FAM163A: variants seen among roughly 807,000 people sequenced by gnomAD.
FAM163A encodes the protein family with sequence similarity 163 member A.
Under a neutral mutation model 12.0 loss-of-function variants are expected in FAM163A, and 7 were observed. The ratio of observed to expected loss-of-function variants is 0.58; its 90% CI spans 0.33 to 1.10. The LOEUF is 1.10. Among genes scored for constraint, FAM163A ranks in the 50% least tolerant of loss-of-function variants. FAM163A has a pLI of 0.03. For missense variants in FAM163A, 202 were observed against 218.6 expected, an observed-to-expected ratio of 0.92 and a Z score of 0.48; for synonymous variants, 101 against 91.0, an observed-to-expected ratio of 1.11 and a Z score of -0.62.
intron 1 of FAM163A, among the ~76,000 whole-genome samples, chr1:179,799,341 A>T (rs1411589299): frequency 1.3e-5 from 2 of 152,244 alleles, no homozygotes; most frequent in Non-Finnish European, 2.9e-5. Flanking sequence ...ACACTGGGCT[A>T]TGCCATGGTG....
intron 1 of FAM163A, among the ~76,000 whole-genome samples, chr1:179,753,375 G>C (rs1685554814): frequency 6.6e-6 from 1 of 152,182 alleles, no homozygotes; most frequent in South Asian, 2.1e-4. Context: ...GTACAACATT[G>C]TGTTTATGGA....
At position 179,813,092 on chromosome 1, in the gene FAM163A, G is replaced by C; in HGVS notation, c.-6G>C. 6.4e-7 allele frequency: 1 copy of C among 1,551,642 alleles called. No homozygotes were observed. The stretch of plus-strand genomic sequence containing the variant: ...TCTTTGCAGAGTTTGATGGGGCGCC[G>C]GGCGGATGACAGCGGGAACGGTTGT... On this transcript the variant is annotated 5_prime_UTR_variant, in exon 4 of 5. Coordinates refer to ENST00000341785, the MANE Select transcript of FAM163A (RefSeq NM_173509.3).
At chr1:179,783,019 A>G (rs1043656027) in intron 1 of FAM163A, among the ~76,000 whole-genome samples, 22 of 152,050 alleles carry the variant, frequency 1.4e-4, no homozygotes, top group African/African-American at 5.3e-4. Flanking sequence ...AATCCCAGCT[A>G]CTTGGGAGGC....
chr1:179,770,702 C>T (rs1208398305), intron 1 of FAM163A, among the ~76,000 whole-genome samples: 1 of 152,070 alleles, frequency 6.6e-6, no homozygotes, highest in South Asian at 2.1e-4. Context: ...GGATGACTTG[C>T]GCACCCCACA....
At chr1:179,746,902 G>A (rs1269057752) in intron 1 of FAM163A, among the ~76,000 whole-genome samples, 1 of 152,148 alleles carries the variant, frequency 6.6e-6, no homozygotes, top group Non-Finnish European at 1.5e-5. Context: ...CTGGGGAGAG[G>A]TGTCTTTGGA....
chr1:179,771,699 G>A (rs537360047), intron 1 of FAM163A, among the ~76,000 whole-genome samples: 7 of 151,924 alleles, frequency 4.6e-5, no homozygotes, highest in Admixed American at 1.3e-4. Flanking sequence ...ACGGTTCACC[G>A]CCTCCACATC....
chr1:179,807,864 G>C lies in FAM163A; in HGVS notation c.-69G>C, dbSNP rs1033244183. On this transcript the variant is annotated 5_prime_UTR_variant, in exon 2 of 5. Transcript: ENST00000341785. ...GCTCAGGTGTAGCCCGCGTGACTGA[G>C]TCACCGCTGCTCCAGCTGTTTCACG... The C allele has an allele frequency of 2.6e-5, 4 of 152,302 alleles. No individual in the cohort carries two copies. Among genetic ancestry groups the C allele is most frequent in the African/African-American group, 7.2e-5 (3 of 41,464 alleles). The allele number at this position is 152,302 out of a possible 1,614,324, so 9.4% of individuals were successfully genotyped here. A position where few individuals can be genotyped will look rare whatever the true frequency, so the allele number is the denominator to read the frequency against.
chr1:179,766,615 C>T (rs1351916599), intron 1 of FAM163A, among the ~76,000 whole-genome samples: 3 of 152,186 alleles, frequency 2.0e-5, no homozygotes, highest in Admixed American at 1.3e-4. Flanking sequence ...CTGCCTTTTT[C>T]GAGTTGATTT....
At chr1:179,782,390 C>T (rs1047631675) in intron 1 of FAM163A, among the ~76,000 whole-genome samples, 3 of 151,894 alleles carry the variant, frequency 2.0e-5, no homozygotes, top group African/African-American at 4.8e-5. Flanking sequence ...CCAGAAGGGC[C>T]GGTCGGCAGG....
chr1:179,742,680 G>A (rs1330237069), upstream of FAM163A: 1 of 152,230 alleles, frequency 6.6e-6, no homozygotes, highest in Non-Finnish European at 1.5e-5. Context: ...TTAAAAGAAG[G>A]TGATTTCAGA....
upstream of FAM163A, among the ~76,000 whole-genome samples, chr1:179,741,428 C>T (rs1273469239): frequency 2.6e-5 from 4 of 152,202 alleles, no homozygotes; most frequent in African/African-American, 9.7e-5. Flanking sequence ...TAATTTCACC[C>T]CAAGGTATAC....
At chr1:179,779,633 TAAAAACC>T (rs1223948913) in intron 1 of FAM163A, among the ~76,000 whole-genome samples, 1 of 152,242 alleles carries the variant, frequency 6.6e-6, no homozygotes, top group African/African-American at 2.4e-5. Context: ...CATTTGAGAC[TAAAAACC>T]AAATGGTAAT....
intron 1 of FAM163A, among the ~76,000 whole-genome samples, chr1:179,745,737 C>G (rs951475213): frequency 3.3e-5 from 5 of 152,110 alleles, no homozygotes; most frequent in Non-Finnish European, 7.4e-5. Flanking sequence ...CCCCATTTTT[C>G]GTGTGATGAA....
At chr1:179,791,379 C>T (rs2148250529) in intron 1 of FAM163A, among the ~76,000 whole-genome samples, 1 of 152,316 alleles carries the variant, frequency 6.6e-6, no homozygotes, top group Admixed American at 6.5e-5. Flanking sequence ...CGGGCCCATG[C>T]AGGCCTCTTC....
In FAM163A at chr1:179,815,103, GCGCGCGCACAGACACACACACA is replaced by G. The variant is rs57473297; in HGVS notation, c.*916_*937del. On this transcript the variant is annotated 3_prime_UTR_variant, in exon 5 of 5. Coordinates refer to ENST00000341785, the MANE Select transcript of FAM163A (RefSeq NM_173509.3). ...CGTTCCCAGGTGTACGCACGCGCGC[GCGCGCGCACAGACACACACACA>G]CACACACACACACACACACACACAC... 0.017 allele frequency: 2,043 copies of G among 117,530 alleles called. 67 individuals are homozygous for G. Among genetic ancestry groups the G allele is most frequent in the East Asian group, 0.15 (668 of 4,552 alleles). 7.3% of individuals were successfully genotyped at this position (117,530 alleles called of 1,614,324 possible). A position where few individuals can be genotyped will look rare whatever the true frequency, so the allele number is the denominator to read the frequency against.
intron 1 of FAM163A, among the ~76,000 whole-genome samples, chr1:179,774,264 A>G (rs1688651050): frequency 6.6e-6 from 1 of 152,192 alleles, no homozygotes; most frequent in Non-Finnish European, 1.5e-5. Context: ...GGACAGGCAC[A>G]TTGCAGGGCA....
intron 1 of FAM163A, among the ~76,000 whole-genome samples, chr1:179,782,528 G>A (rs1689937149): frequency 6.6e-6 from 1 of 151,994 alleles, no homozygotes; most frequent in South Asian, 2.1e-4. Context: ...GGCCTGGTGG[G>A]CTTTGCTCGC....
intron 1 of FAM163A, among the ~76,000 whole-genome samples, chr1:179,804,962 T>C (rs1693719196): frequency 6.6e-6 from 1 of 152,162 alleles, no homozygotes; most frequent in Admixed American, 6.5e-5. Flanking sequence ...AAAATAAAAG[T>C]TTTTTAAAAA....
At chr1:179,808,238 G>A (rs1034046241) in intron 2 of FAM163A, among the ~76,000 whole-genome samples, 6 of 152,254 alleles carry the variant, frequency 3.9e-5, no homozygotes, top group South Asian at 2.1e-4. Context: ...TAATGGTCTC[G>A]CTTCTCCTCC....
Sources: gnomAD v4.1 joint callset for allele counts (sites outside exome capture counted in the v4.1 genomes callset) on GRCh38, gnomAD v4.1.1 for gene constraint, MANE v1.5 for transcripts, NCBI Gene and HGNC (gene_info 2026-07-23, HGNC 2026-07-21) for gene names.